The following ZNF282 variants were observed in gnomAD, a reference collection of about 807,000 sequenced individuals.
ZNF282 encodes zinc finger protein 282.
Under a neutral mutation model 61.9 loss-of-function variants are expected in ZNF282, and 30 were observed. The ratio of observed to expected loss-of-function variants is 0.48; its 90% confidence interval spans 0.36 to 0.66. The LOEUF (loss-of-function observed/expected upper bound fraction) is 0.66, where lower values mean the gene tolerates loss of function less well. Ranked by LOEUF, ZNF282 falls within the 30% of genes least tolerant of loss-of-function variation. The pLI is 0.00. For missense variants in ZNF282, 788 were observed against 941.4 expected (o/e 0.84, Z 2.13); for synonymous variants, 396 against 405.0 (o/e 0.98, Z 0.27).
intron 7 of ZNF282, 74 bp downstream of exon 7, chr7:149,213,888 G>A: frequency 2.7e-6 from 3 of 1,095,112 alleles, no homozygotes; most frequent in South Asian, 1.4e-5. Context: ...ACGAAGGCTG[G>A]TCCTCTTCTC....
At chr7:149,199,448 G>C (rs1217852480) in intron 2 of ZNF282, among the ~76,000 whole-genome samples, 2 of 152,080 alleles carry the variant, frequency 1.3e-5, no homozygotes, top group East Asian at 1.9e-4. Context: ...TCTCCTCTGA[G>C]TCATCAGCTC....
chr7:149,207,695 A>C (rs1040582242), intron 4 of ZNF282, among the ~76,000 whole-genome samples: 1 of 152,186 alleles, frequency 6.6e-6, no homozygotes, highest in African/African-American at 2.4e-5. Context: ...GTGGTTTGTT[A>C]AAGCCGCGTA....
chr7:149,207,711 G>T (rs1796018467), intron 4 of ZNF282, among the ~76,000 whole-genome samples: 1 of 152,222 alleles, frequency 6.6e-6, no homozygotes, highest in Non-Finnish European at 1.5e-5. Context: ...GCGTAGCTCT[G>T]GACTCTCAAG....
chr7:149,207,443 A>G lies in ZNF282; in HGVS notation c.805A>G (p.Arg269Gly), dbSNP rs1193942317. ...GTGGGAGCAGCGCCACCCCGAAGAG[A>G]GAGAAATCCCAATGGATCCCGAAGC... ...CVWEQRHPEE[R>G]EIPMDPEAGA... is the part of the protein sequence containing the mutation. The change falls in exon 4 of 8, where the codon AGA becomes GGA. Residue 269 changes from arginine (R) to glycine (G), a missense_variant. By Grantham distance (125) the Arg-to-Gly change is moderately radical. Transcript: ENST00000610704. The G allele has an allele frequency of 2.0e-5, 31 of 1,563,700 alleles. No homozygotes were observed. The highest frequency in any genetic ancestry group is 2.7e-5 in the African/African-American group (2 of 73,786).
chr7:149,220,917 G>GTTTT (rs764989538), intron 7 of ZNF282, among the ~76,000 whole-genome samples: 1,285 of 47,548 alleles, frequency 0.027, 40 homozygotes, highest in African/African-American at 0.058. Flanking sequence ...CCCCTGGAGG[G>GTTTT]TTTTTTTTTT....
intron 7 of ZNF282, among the ~76,000 whole-genome samples, chr7:149,223,477 A>G (rs1400891501): frequency 6.6e-6 from 1 of 152,150 alleles, no homozygotes; most frequent in African/African-American, 2.4e-5. Flanking sequence ...AACATTGTCC[A>G]TCAGACTGCA....
intron 7 of ZNF282, among the ~76,000 whole-genome samples, chr7:149,218,133 G>A (rs1796188265): frequency 6.6e-6 from 1 of 151,266 alleles, no homozygotes; most frequent in Non-Finnish European, 1.5e-5. Flanking sequence ...GAGAGAGAGA[G>A]ACTAATAAAG....
intron 2 of ZNF282, among the ~76,000 whole-genome samples, chr7:149,204,208 C>T (rs145430925): frequency 4.9e-4 from 74 of 152,208 alleles, no homozygotes; most frequent in African/African-American, 1.7e-3. Flanking sequence ...AACATAATTA[C>T]GGGAACCAAG....
intron 3 of ZNF282, 147 bp downstream of exon 3, chr7:149,206,969 A>C: frequency 8.5e-7 from 1 of 1,171,852 alleles, no homozygotes; most frequent in Non-Finnish European, 1.2e-6. Flanking sequence ...TAATGCTAGT[A>C]GGATAGAACA....
chr7:149,203,235 C>T (rs766533877), intron 2 of ZNF282, among the ~76,000 whole-genome samples: 15 of 152,298 alleles, frequency 9.8e-5, no homozygotes, highest in Middle Eastern at 3.4e-3. Flanking sequence ...GTGTTCTGTG[C>T]GCTGCATTAG....
At chr7:149,209,761 C>T (rs1796053405) in intron 4 of ZNF282, among the ~76,000 whole-genome samples, 1 of 152,090 alleles carries the variant, frequency 6.6e-6, no homozygotes, top group Non-Finnish European at 1.5e-5. Context: ...CCTCTTGCAG[C>T]AGGGGGCGCC....
intron 2 of ZNF282, among the ~76,000 whole-genome samples, chr7:149,199,714 A>T (rs1795880450): frequency 6.6e-6 from 1 of 152,172 alleles, no homozygotes; most frequent in African/African-American, 2.4e-5. Context: ...ACAGAATAGT[A>T]TAATGGGTCC....
Position 149,223,867 on chromosome 7 carries a change from C to T in ZNF282, c.1236C>T (p.Pro412=), listed in dbSNP as rs1352017685. 7.6e-6 allele frequency: 11 copies of T among 1,452,796 alleles called. No homozygotes were observed. The highest frequency in any genetic ancestry group is 9.9e-6 in the Non-Finnish European group (11 of 1,108,522). The allele number at this position is 1,452,796 out of a possible 1,614,324, so 90.0% of individuals were successfully genotyped here. Residue 412 remains proline (P), a synonymous_variant, in exon 8 of 8, where the codon CCC becomes CCT. Transcript: ENST00000610704. The part of the protein sequence containing the change: ...NPPPAPPQPQ[P]QPQPPQPQLQ... ...CCCCGGCCCCGCCACAGCCCCAGCC[C>T]CAGCCCCAGCCACCGCAGCCGCAGC...
Position 149,195,649 on chromosome 7 carries a change from G to A in ZNF282, c.60G>A (p.Leu20=), listed in dbSNP as rs1049070595. The A allele has an allele frequency of 1.3e-5, 21 of 1,605,056 alleles. No individual in the cohort carries two copies. The highest frequency in any genetic ancestry group is 1.7e-5 in the Non-Finnish European group (20 of 1,176,652). Residue 20 remains leucine, a synonymous_variant, in exon 1 of 8, where the codon CTG becomes CTA. Coordinates refer to ENST00000610704, the MANE Select transcript of ZNF282 (RefSeq NM_003575.4). ...PQQLGIQGLG[L]DSGSWSWAQA... ...AGCTGGGCATCCAGGGCCTGGGGCT[G>A]GACAGCGGGAGCTGGAGCTGGGCCC...
In ZNF282 at chr7:149,224,545, C is replaced by G. The variant is rs767480357; in HGVS notation, c.1914C>G (p.Ser638Arg). 1.7e-5 allele frequency: 27 copies of G among 1,609,984 alleles called. No individual in the cohort carries two copies. Among genetic ancestry groups the G allele is most frequent in the Non-Finnish European group, 2.2e-5 (26 of 1,179,592 alleles). ...RPYTCGECGK[S>R]FRYKESLKDH... ...ACACGTGCGGCGAGTGCGGCAAGAG[C>G]TTCCGCTACAAGGAGTCGCTCAAGG... Residue 638 changes from serine to arginine, a missense_variant, in exon 8 of 8, where the codon AGC becomes AGG. This residue lies in a region of ZNF282 where 559 missense variants were observed against 642.0 expected (regional missense o/e 0.87). Coordinates refer to ENST00000610704, the MANE Select transcript of ZNF282 (RefSeq NM_003575.4).
rs1005029876 is a variant in ZNF282, at chr7:149,206,595, G to C, written c.586-101G>C. 13 of 1,566,842 alleles carry C rather than the reference G, an allele frequency of 8.3e-6. 1 individual carries two copies. In the Middle Eastern group the frequency reaches 7.7e-4, roughly 93 times the overall value. The stretch of plus-strand genomic sequence containing the variant: ...GACTGGGGAGCCACGGAGAGCAAAG[G>C]CCGGGCTTTGGTGGGGAGTGGGTCT... On this transcript the variant is annotated intron_variant, in intron 2 of 7. Transcript: ENST00000610704.
intron 1 of ZNF282, among the ~76,000 whole-genome samples, chr7:149,197,098 C>G (rs1795829600): frequency 6.6e-6 from 1 of 152,248 alleles, no homozygotes; most frequent in South Asian, 2.1e-4. Flanking sequence ...GACCAGTGAA[C>G]TGTCACCAGC....
chr7:149,220,329 G>A lies in ZNF282; in HGVS notation c.1181-3483G>A, dbSNP rs901183716. 4.6e-5 allele frequency among the ~76,000 whole-genome samples: 7 copies of A among 151,942 alleles called. No homozygotes were observed. The South Asian group carries it at 8.3e-4, about 18-fold the overall frequency. ...CGGGAGGCTGAGGCAGGAGAATGGC[G>A]TGAACCCAGGAGGCGGAGCTTGCAG... is the stretch of plus-strand genomic sequence containing the variant. On this transcript the variant is annotated intron_variant, in intron 7 of 7. Transcript: ENST00000610704.
rs1409301617 is a variant in ZNF282 at position 149,202,082 on chromosome 7, C to T, written c.585+3330C>T. Among the ~76,000 whole-genome samples the T allele has an allele frequency of 3.3e-5, 5 of 152,226 alleles. No individual in the cohort carries two copies. The South Asian group carries it at 6.2e-4, about 19-fold the overall frequency. On this transcript the variant is annotated intron_variant, in intron 2 of 7. Coordinates refer to ENST00000610704, the MANE Select transcript of ZNF282 (RefSeq NM_003575.4). ...CACGTCCCCCAAGCACACTCGTCTC[C>T]CTGCCCTTACTCGAATTTTCTACAA...
Sources: gnomAD v4.1 joint callset for allele counts (sites outside exome capture counted in the v4.1 genomes callset) on GRCh38, gnomAD v4.1.1 for gene constraint, gnomAD v4.1.1 regional missense constraint, MANE v1.5 for transcripts, NCBI Gene and HGNC (gene_info 2026-07-23, HGNC 2026-07-21) for gene names.